The following MMP26 variants were observed in gnomAD, a reference collection of about 807,000 sequenced individuals.
MMP26 encodes matrix metalloproteinase-26.
MMP26 carries 33 observed loss-of-function variants against 31.0 expected under a neutral mutation model. The ratio of observed to expected loss-of-function variants is 1.06; its 90% CI spans 0.81 to 1.42. MMP26 has a LOEUF of 1.42. Ranked by LOEUF, MMP26 falls within the 40% of genes most tolerant of loss-of-function variation. The pLI is 0.00. For missense variants in MMP26, 347 were observed against 316.1 expected, an observed-to-expected ratio of 1.10 and a Z score of -0.74; for synonymous variants, 122 against 114.9, an observed-to-expected ratio of 1.06 and a Z score of -0.40.
intron 1 of MMP26, chr11:4,710,648 T>G (rs2046286244): frequency 2.8e-6 from 1 of 352,220 alleles, no homozygotes; most frequent in African/African-American, 2.1e-5. Context: ...ATCCACTAAC[T>G]TACCATTTAC....
At chr11:4,881,005 A>C (rs1045175135) in intron 2 of MMP26, among the ~76,000 whole-genome samples, 4 of 152,112 alleles carry the variant, frequency 2.6e-5, no homozygotes, top group Admixed American at 2.0e-4. Flanking sequence ...CTGTATATGA[A>C]TGGGCAGATG....
chr11:4,762,649 T>C (rs1329546099), intron 1 of MMP26, among the ~76,000 whole-genome samples: 2 of 152,178 alleles, frequency 1.3e-5, no homozygotes, highest in African/African-American at 4.8e-5. Context: ...GTGAAATGTC[T>C]GGTTAATCTA....
chr11:4,986,721 C>A (rs1192640510), intron 2 of MMP26, among the ~76,000 whole-genome samples: 1 of 150,502 alleles, frequency 6.6e-6, no homozygotes, highest in African/African-American at 2.4e-5. Context: ...TTAGTAGAGA[C>A]GGGGTTTCAC....
chr11:4,852,687 A>G (rs1849992146), intron 2 of MMP26, among the ~76,000 whole-genome samples: 2 of 152,112 alleles, frequency 1.3e-5, no homozygotes, highest in African/African-American at 4.8e-5. Context: ...AAATAAAACC[A>G]CCATATTATT....
At chr11:4,796,843 G>A (rs971720359) in intron 2 of MMP26, among the ~76,000 whole-genome samples, 9 of 151,992 alleles carry the variant, frequency 5.9e-5, no homozygotes, top group Admixed American at 5.9e-4. Context: ...AGGAACCTTG[G>A]GAAAAGGATA....
At chr11:4,769,383 A>G in intron 2 of MMP26, 3 of 1,613,970 alleles carry the variant, frequency 1.9e-6, no homozygotes, top group Non-Finnish European at 2.5e-6. Flanking sequence ...TAACAATAGG[A>G]GTGAGAAAGG....
chr11:4,756,986 C>CTT (rs1054199649), intron 1 of MMP26, among the ~76,000 whole-genome samples: 7 of 151,768 alleles, frequency 4.6e-5, no homozygotes, highest in African/African-American at 1.7e-4. Flanking sequence ...ATCAACAAGT[C>CTT]TTTTTTTTCT....
At chr11:4,911,074 G>A (rs1476475628) in intron 2 of MMP26, among the ~76,000 whole-genome samples, 2 of 152,254 alleles carry the variant, frequency 1.3e-5, no homozygotes, top group South Asian at 2.1e-4. Context: ...GGATAAATAC[G>A]AAACCTGCAG....
rs1229272215 is a variant in MMP26 at position 4,822,543 on chromosome 11, C to T, written c.-145+55202C>T. 7 of 527,976 alleles carry T rather than the reference C, an allele frequency of 1.3e-5. No homozygotes were observed. The East Asian group carries it at 1.4e-4, about 10-fold the overall frequency. The allele number at this position is 527,976 out of a possible 1,614,324, so 32.7% of individuals were successfully genotyped here. A position where few individuals can be genotyped will look rare whatever the true frequency, so the allele number is the denominator to read the frequency against. On this transcript the variant is annotated intron_variant, in intron 2 of 7. Coordinates refer to ENST00000380390, the MANE Select transcript of MMP26 (RefSeq NM_021801.5). ...CTTTGTCAATAAATTCATGTCATTG[C>T]CAACTAAATTATGATTTTGTTTTCA...
chr11:4,857,289 T>C (rs1257549445), intron 2 of MMP26, among the ~76,000 whole-genome samples: 1 of 151,018 alleles, frequency 6.6e-6, no homozygotes, highest in Non-Finnish European at 1.5e-5. Flanking sequence ...AACCAGGAGC[T>C]GGTTTGTTAA....
chr11:4,727,856 G>A (rs979748399), intron 1 of MMP26, among the ~76,000 whole-genome samples: 14 of 152,238 alleles, frequency 9.2e-5, no homozygotes, highest in African/African-American at 3.1e-4. Context: ...TCTCTTCAGA[G>A]TTAGTAGTAA....
chr11:4,846,938 C>T (rs1849879193), intron 2 of MMP26, among the ~76,000 whole-genome samples: 2 of 152,158 alleles, frequency 1.3e-5, no homozygotes, highest in Admixed American at 1.3e-4. Context: ...GTCAGAGACC[C>T]TCTTCATCTA....
intron 2 of MMP26, chr11:4,875,389 A>G: frequency 6.6e-6 from 1 of 152,078 alleles, no homozygotes; most frequent in South Asian, 2.1e-4. Flanking sequence ...GGCTTAAAAT[A>G]ATATATATTT....
chr11:4,907,581 T>A, intron 2 of MMP26: 1 of 1,614,106 alleles, frequency 6.2e-7, no homozygotes, highest in South Asian at 1.1e-5. Flanking sequence ...GTCTCTGACA[T>A]GGGCCTGTCC....
intron 2 of MMP26, chr11:4,908,054 T>G: frequency 6.2e-7 from 1 of 1,614,184 alleles, no homozygotes; most frequent in Non-Finnish European, 8.5e-7. Flanking sequence ...CAGCATTGCA[T>G]CTTTGGCAGA....
intron 2 of MMP26, chr11:4,924,282 G>C (rs373533073): frequency 1.9e-6 from 3 of 1,613,640 alleles, no homozygotes; most frequent in East Asian, 2.2e-5. Context: ...TCTAGACCTT[G>C]GAAGCCCGTC....
chr11:4,777,542 C>T (rs1439966922), intron 2 of MMP26, among the ~76,000 whole-genome samples: 2 of 152,118 alleles, frequency 1.3e-5, no homozygotes, highest in East Asian at 1.9e-4. Context: ...CATTTGAATA[C>T]ATCCATGTTA....
intron 2 of MMP26, among the ~76,000 whole-genome samples, chr11:4,883,220 T>G (rs1290639610): frequency 7.8e-6 from 1 of 128,978 alleles, no homozygotes; most frequent in Non-Finnish European, 1.7e-5. Context: ...AATTTTATTT[T>G]CACATCCAGC....
chr11:4,821,816 T>G lies in MMP26; in HGVS notation c.-145+54475T>G, dbSNP rs780796149. On this transcript the variant is annotated intron_variant, in intron 2 of 7. Transcript: ENST00000380390. ...CGTTTTGTGGCCATCTGTTACCCAC[T>G]GAGATACACTACCATCCTTACCAAT... 103 of 1,611,332 alleles carry G rather than the reference T, an allele frequency of 6.4e-5. No individual in the cohort carries two copies. Among genetic ancestry groups the G allele is most frequent in the Non-Finnish European group, 8.2e-5 (97 of 1,177,990 alleles).
Sources: allele counts gnomAD v4.1 joint callset (sites outside exome capture counted in the v4.1 genomes callset), GRCh38; gene constraint gnomAD v4.1.1; transcripts MANE v1.5; gene names NCBI Gene and HGNC (gene_info 2026-07-23, HGNC 2026-07-21).